The following RORA variants were observed in gnomAD, a reference collection of about 807,000 sequenced individuals.
RORA encodes nuclear receptor ROR-alpha.
In RORA, 7 loss-of-function variants were observed where a neutral mutation model predicts 69.5. That is an observed-to-expected ratio of 0.10 (90% CI 0.06 to 0.19). RORA has a LOEUF of 0.19. RORA is among the 10% of genes least tolerant of loss of function. The pLI, the probability that RORA is intolerant of heterozygous loss-of-function variation, is 1.00. For missense variants in RORA, 457 were observed against 663.0 expected (o/e 0.69, Z 3.41); for synonymous variants, 261 against 240.8 (o/e 1.08, Z -0.78).
At chr15:60,816,927 CTG>C (rs910755454) in intron 1 of RORA, among the ~76,000 whole-genome samples, 5 of 151,766 alleles carry the variant, frequency 3.3e-5, no homozygotes, top group Non-Finnish European at 7.4e-5. Flanking sequence ...ATACTTTTTT[CTG>C]TTAGTAGTGT....
intron 1 of RORA, among the ~76,000 whole-genome samples, chr15:61,139,821 A>G (rs1567007877): frequency 1.3e-5 from 2 of 152,230 alleles, no homozygotes; most frequent in Non-Finnish European, 2.9e-5. Flanking sequence ...AAGAAAAAAT[A>G]AAAAGATGTC....
rs79276733 is a variant in RORA at position 60,662,242 on chromosome 15, C to T, written c.196+16415G>A. On this transcript the variant is annotated intron_variant, in intron 2 of 10. Transcript: ENST00000335670. ...CCACTAATCTCCTACTTAATTCTGG[C>T]TTAATTTGCAAGTAGTTGCTAACAG... 7.2e-3 allele frequency among the ~76,000 whole-genome samples: 1,089 copies of T among 152,284 alleles called. 17 individuals are homozygous for T. Among genetic ancestry groups the T allele is most frequent in the African/African-American group, 0.025 (1,033 of 41,554 alleles).
At chr15:61,007,491 T>C (rs898134151) in intron 1 of RORA, among the ~76,000 whole-genome samples, 1 of 152,110 alleles carries the variant, frequency 6.6e-6, no homozygotes, top group Non-Finnish European at 1.5e-5. Context: ...TAATAATTGT[T>C]TATTGAAATG....
chr15:61,148,394 A>G (rs1356198333), intron 1 of RORA, among the ~76,000 whole-genome samples: 1 of 151,800 alleles, frequency 6.6e-6, no homozygotes. Context: ...CTGTAGTTTC[A>G]CTCTCCCACA....
chr15:61,189,977 T>A (rs1480689697), intron 1 of RORA, among the ~76,000 whole-genome samples: 1 of 147,950 alleles, frequency 6.8e-6, no homozygotes, highest in African/African-American at 2.5e-5. Context: ...TAGGGATGAA[T>A]AAATTAATAC....
At chr15:60,568,974 T>C (rs1189290445) in intron 2 of RORA, among the ~76,000 whole-genome samples, 1 of 151,034 alleles carries the variant, frequency 6.6e-6, no homozygotes. Flanking sequence ...CTCAATATTA[T>C]GGCATTTCCT....
At chr15:61,154,325 C>G (rs1224175972) in intron 1 of RORA, among the ~76,000 whole-genome samples, 1 of 152,172 alleles carries the variant, frequency 6.6e-6, no homozygotes, top group Non-Finnish European at 1.5e-5. Context: ...ACCAGACTTC[C>G]CTGAGACCAT....
chr15:60,948,682 G>C (rs1241104222), intron 1 of RORA, among the ~76,000 whole-genome samples: 3 of 152,160 alleles, frequency 2.0e-5, no homozygotes, highest in Admixed American at 6.5e-5. Flanking sequence ...GAAGATAATA[G>C]AAATATTAAG....
chr15:60,998,638 ATCTGCCGGCCTCAG>A (rs1211770543), intron 1 of RORA, among the ~76,000 whole-genome samples: 7 of 152,154 alleles, frequency 4.6e-5, no homozygotes, highest in African/African-American at 1.4e-4. Flanking sequence ...ACCTCAGGTG[ATCTGCCGGCCTCAG>A]TCTCCCAAAG....
chr15:60,752,309 T>C (rs993345816), intron 1 of RORA, among the ~76,000 whole-genome samples: 33 of 152,184 alleles, frequency 2.2e-4, no homozygotes, highest in African/African-American at 7.2e-4. Context: ...TGATTTCCTC[T>C]TTCCTTTTCC....
intron 2 of RORA, among the ~76,000 whole-genome samples, chr15:60,612,659 CTG>C (rs1360553820): frequency 5.1e-5 from 6 of 117,360 alleles, no homozygotes; most frequent in African/African-American, 1.1e-4. Flanking sequence ...CTCTCTCTCT[CTG>C]TTTTTTTTTT....
At chr15:61,079,020 G>T (rs1379609716) in intron 1 of RORA, among the ~76,000 whole-genome samples, 1 of 152,086 alleles carries the variant, frequency 6.6e-6, no homozygotes, top group African/African-American at 2.4e-5. Context: ...AGGTACAAGT[G>T]ATTAAATGAC....
chr15:60,547,126 A>G (rs2067095303), intron 2 of RORA, among the ~76,000 whole-genome samples: 2 of 152,146 alleles, frequency 1.3e-5, no homozygotes, highest in South Asian at 4.1e-4. Flanking sequence ...CACTCTATTA[A>G]TGTTCTAGAA....
At chr15:60,998,746 G>A (rs1409733427) in intron 1 of RORA, among the ~76,000 whole-genome samples, 1 of 152,188 alleles carries the variant, frequency 6.6e-6, no homozygotes, top group Admixed American at 6.5e-5. Flanking sequence ...ATAACTATGT[G>A]ATATTCTTGA....
At chr15:61,217,928 T>C (rs961117765) in intron 1 of RORA, among the ~76,000 whole-genome samples, 2 of 152,148 alleles carry the variant, frequency 1.3e-5, no homozygotes, top group African/African-American at 4.8e-5. Flanking sequence ...CCTGAAGTCA[T>C]AATGAGTAAC....
chr15:60,859,751 G>A (rs756943160), intron 1 of RORA, among the ~76,000 whole-genome samples: 1 of 146,664 alleles, frequency 6.8e-6, no homozygotes, highest in Non-Finnish European at 1.5e-5. Flanking sequence ...TGGCCACACT[G>A]AAGACTCACC....
intron 1 of RORA, among the ~76,000 whole-genome samples, chr15:61,005,517 A>C (rs576792824): frequency 6.6e-6 from 1 of 152,316 alleles, no homozygotes; most frequent in South Asian, 2.1e-4. Flanking sequence ...CAACAAATAC[A>C]TAACTAATGA....
chr15:61,024,955 T>A (rs903804408), intron 1 of RORA, among the ~76,000 whole-genome samples: 1 of 152,226 alleles, frequency 6.6e-6, no homozygotes, highest in Admixed American at 6.5e-5. Context: ...CAATTTTATA[T>A]CTTCTGGCTT....
At chr15:61,172,645 A>G (rs2079595458) in intron 1 of RORA, among the ~76,000 whole-genome samples, 1 of 152,174 alleles carries the variant, frequency 6.6e-6, no homozygotes, top group Non-Finnish European at 1.5e-5. Context: ...TATCACCACT[A>G]TTTTTAACTT....
Sources: allele counts gnomAD v4.1 joint callset (sites outside exome capture counted in the v4.1 genomes callset), GRCh38; gene constraint gnomAD v4.1.1; transcripts MANE v1.5; gene names NCBI Gene and HGNC (gene_info 2026-07-23, HGNC 2026-07-21).